The following KIAA0232 variants were observed in gnomAD, a reference collection of about 807,000 sequenced individuals.
KIAA0232 encodes the protein uncharacterized protein KIAA0232.
A neutral mutation model predicts 122.0 loss-of-function variants in KIAA0232; 27 were observed. That is an observed-to-expected ratio of 0.22 (90% CI 0.16 to 0.31). The LOEUF (loss-of-function observed/expected upper bound fraction) is 0.31, where lower values mean the gene tolerates loss of function less well. Among genes scored for constraint, KIAA0232 ranks in the 10% least tolerant of loss-of-function variants. The pLI, the probability that KIAA0232 is intolerant of heterozygous loss-of-function variation, is 1.00. For synonymous variants in KIAA0232, 613 were observed against 587.6 expected (o/e 1.04, Z -0.63); for missense variants, 1,551 against 1,634.2 (o/e 0.95, Z 0.88).
chr4:6,871,435 AAAAG>A (rs1360358780), intron 7 of KIAA0232, 135 bp from the exon 8 acceptor site: 11 of 579,638 alleles, frequency 1.9e-5, no homozygotes, highest in African/African-American at 3.8e-5. Context: ...CCCTATCTCA[AAAAG>A]AAAGAAAGAA....
At chr4:6,819,363 A>T (rs549270461) in intron 2 of KIAA0232, among the ~76,000 whole-genome samples, 5 of 152,284 alleles carry the variant, frequency 3.3e-5, no homozygotes, top group African/African-American at 1.2e-4. Context: ...TGTGCATCTG[A>T]CACAGGTCCA....
At chr4:6,850,489 T>A (rs967282471) in intron 4 of KIAA0232, among the ~76,000 whole-genome samples, 3 of 152,192 alleles carry the variant, frequency 2.0e-5, no homozygotes, top group Admixed American at 6.5e-5. Context: ...TTTTTGTAAC[T>A]TCTTTTAGTT....
chr4:6,877,907 T>G (rs1560214281), intron 9 of KIAA0232, among the ~76,000 whole-genome samples: 1 of 152,154 alleles, frequency 6.6e-6, no homozygotes, highest in African/African-American at 2.4e-5. Flanking sequence ...CCTTGTCAAT[T>G]TGAACCCATA....
At chr4:6,860,237 C>T (rs1181011527) in intron 6 of KIAA0232, among the ~76,000 whole-genome samples, 8 of 152,196 alleles carry the variant, frequency 5.3e-5, no homozygotes, top group Non-Finnish European at 1.2e-4. Flanking sequence ...TTACTCCTCA[C>T]AACCCTGAGA....
intron 7 of KIAA0232, 144 bp downstream of exon 7, chr4:6,864,327 A>G (rs868651113): frequency 2.6e-5 from 24 of 908,266 alleles, no homozygotes; most frequent in Middle Eastern, 3.6e-4. Flanking sequence ...CTAATTTTAC[A>G]TGTAAGGACT....
chr4:6,816,317 C>G (rs796948200), intron 2 of KIAA0232, among the ~76,000 whole-genome samples: 12 of 149,684 alleles, frequency 8.0e-5, no homozygotes, highest in African/African-American at 2.7e-4. Flanking sequence ...GAGCCTCGCT[C>G]TGTTGCCCAG....
At chr4:6,841,459 A>G (rs1719658026) in intron 3 of KIAA0232, among the ~76,000 whole-genome samples, 1 of 152,254 alleles carries the variant, frequency 6.6e-6, no homozygotes, top group South Asian at 2.1e-4. Flanking sequence ...CCTTCTAACC[A>G]AATATGTTCA....
At chr4:6,845,874 T>C (rs2108751356) in intron 4 of KIAA0232, among the ~76,000 whole-genome samples, 1 of 152,300 alleles carries the variant, frequency 6.6e-6, no homozygotes, top group East Asian at 1.9e-4. Context: ...GCTTGTTGAA[T>C]TTGCGTGTAA....
At chr4:6,799,718 C>T (rs1235045874) in intron 1 of KIAA0232, among the ~76,000 whole-genome samples, 6 of 151,836 alleles carry the variant, frequency 4.0e-5, no homozygotes, top group Non-Finnish European at 5.9e-5. Flanking sequence ...TTTTTTGAGT[C>T]GGAGGCTCGC....
chr4:6,842,091 G>A lies in KIAA0232; in HGVS notation c.256G>A (p.Glu86Lys), dbSNP rs756258364. Residue 86 changes from glutamate to lysine, a missense_variant, in exon 4 of 10, where the codon GAA becomes AAA. By Grantham distance (56) the Glu-to-Lys change is moderately conservative. Around this residue, in one of 5 missense-constraint regions of KIAA0232, gnomAD observed 377 missense variants for 381.7 expected, o/e 0.99. Transcript: ENST00000307659. Reference protein sequence around the residue: ...EQENDIFLGWEKGAYKKWGKS... With the variant: ...EQENDIFLGWKKGAYKKWGKS... Reference sequence around the variant, plus strand: ...GGAGAATGACATCTTCCTGGGCTGGGAAAAAGGAGCTTATAAGAAATGGGG... The same window carrying A: ...GGAGAATGACATCTTCCTGGGCTGGAAAAAAGGAGCTTATAAGAAATGGGG... 1.2e-6 allele frequency: 2 copies of A among 1,613,426 alleles called. No individual in the cohort carries two copies. Among genetic ancestry groups the A allele is most frequent in the South Asian group, 1.1e-5 (1 of 91,012 alleles).
chr4:6,813,951 G>A (rs1317169571), intron 2 of KIAA0232, among the ~76,000 whole-genome samples: 1 of 152,084 alleles, frequency 6.6e-6, no homozygotes. Flanking sequence ...GCAGCACAGA[G>A]CAATGTTAAT....
intron 3 of KIAA0232, among the ~76,000 whole-genome samples, chr4:6,841,539 A>G (rs930272780): frequency 1.2e-4 from 18 of 152,230 alleles, no homozygotes; most frequent in African/African-American, 4.3e-4. Context: ...ATTTTCAAAG[A>G]TGAAATACAT....
At chr4:6,849,228 T>A (rs1371497533) in intron 4 of KIAA0232, among the ~76,000 whole-genome samples, 21 of 152,172 alleles carry the variant, frequency 1.4e-4, no homozygotes, top group Admixed American at 1.3e-3. Context: ...GGATTCTGCA[T>A]CTGTTTTCGA....
intron 1 of KIAA0232, among the ~76,000 whole-genome samples, chr4:6,794,475 G>C (rs1717045667): frequency 6.6e-6 from 1 of 152,142 alleles, no homozygotes; most frequent in Non-Finnish European, 1.5e-5. Context: ...GGTGGGTGTG[G>C]GTAGAAAGAC....
At chr4:6,813,351 G>GTTTTTTTTTTTTTTTTT (rs539648260) in intron 2 of KIAA0232, among the ~76,000 whole-genome samples, 1 of 140,702 alleles carries the variant, frequency 7.1e-6, no homozygotes, top group Non-Finnish European at 1.6e-5. Context: ...ACTTAGATCT[G>GTTTTTTTTTTTTTTTTT]TTTTTTTTTT....
rs771415008 is a variant in KIAA0232, at chr4:6,862,812, A to C, written c.2430A>C (p.Val810=). 1 of 1,614,200 alleles carries C rather than the reference A, an allele frequency of 6.2e-7. No individual in the cohort carries two copies. Among genetic ancestry groups the C allele is most frequent in the Non-Finnish European group, 8.5e-7 (1 of 1,180,036 alleles). The change falls in exon 7 of 10, where the codon GTA becomes GTC. Residue 810 remains valine (V), a synonymous_variant. Coordinates refer to ENST00000307659, the MANE Select transcript of KIAA0232 (RefSeq NM_014743.3). The part of the protein sequence containing the change: ...TENKNFETTQ[V]CNESPHGDGY... ...ACAAAAATTTTGAAACTACACAAGT[A>C]TGTAATGAAAGTCCACATGGAGATG...
chr4:6,816,518 G>A (rs1202721413), intron 2 of KIAA0232, among the ~76,000 whole-genome samples: 1 of 152,080 alleles, frequency 6.6e-6, no homozygotes, highest in Non-Finnish European at 1.5e-5. Flanking sequence ...TCCTGACCTC[G>A]TGATCCACCC....
chr4:6,823,363 C>A (rs1718512024), intron 2 of KIAA0232, among the ~76,000 whole-genome samples: 1 of 152,094 alleles, frequency 6.6e-6, no homozygotes, highest in Non-Finnish European at 1.5e-5. Flanking sequence ...CACTGACCTC[C>A]ACAATGGTTG....
chr4:6,806,381 T>C (rs576358229), intron 2 of KIAA0232, among the ~76,000 whole-genome samples: 2 of 152,206 alleles, frequency 1.3e-5, no homozygotes, highest in South Asian at 4.1e-4. Flanking sequence ...CATAAAACAA[T>C]GTAACTTTGC....
Sources: gnomAD v4.1 joint callset for allele counts (sites outside exome capture counted in the v4.1 genomes callset) on GRCh38, gnomAD v4.1.1 for gene constraint, gnomAD v4.1.1 regional missense constraint, MANE v1.5 for transcripts, NCBI Gene and HGNC (gene_info 2026-07-23, HGNC 2026-07-21) for gene names.